The following DDX50 variants were observed in gnomAD, a reference collection of about 807,000 sequenced individuals.
DDX50 encodes ATP-dependent RNA helicase DDX50.
A neutral mutation model predicts 94.8 loss-of-function variants in DDX50; 56 were observed. That is an observed-to-expected ratio of 0.59 (90% confidence interval 0.48 to 0.74). The LOEUF (loss-of-function observed/expected upper bound fraction) is 0.74. DDX50 is among the 30% of genes least tolerant of loss of function. The pLI is 0.00. For synonymous variants in DDX50, 264 were observed against 295.4 expected, an observed-to-expected ratio of 0.89 and a Z score of 1.09; for missense variants, 713 against 881.2, an observed-to-expected ratio of 0.81 and a Z score of 2.42.
At position 68,913,175 on chromosome 10, in the gene DDX50, C is replaced by T; in HGVS notation, c.653C>T (p.Ala218Val). 1.2e-6 allele frequency: 2 copies of T among 1,606,382 alleles called. No homozygotes were observed. Among genetic ancestry groups the T allele is most frequent in the Non-Finnish European group, 1.7e-6 (2 of 1,178,252 alleles). Residue 218 changes from alanine to valine, a missense_variant, in exon 5 of 15, where the codon GCT (alanine) becomes GTT (valine). Ala to Val is a moderately conservative substitution (Grantham distance 64). Transcript: ENST00000373585. Reference protein sequence around the residue: ...KSRSPKVLVLAPTRELANQVA... With the variant: ...KSRSPKVLVLVPTRELANQVA... ...CCTCTTGCTCAGGTACTTGTTTTGGCTCCAACAAGGGAACTGGCAAACCAA... is the reference window on the plus strand; with the variant it reads ...CCTCTTGCTCAGGTACTTGTTTTGGTTCCAACAAGGGAACTGGCAAACCAA...
intron 8 of DDX50, among the ~76,000 whole-genome samples, chr10:68,929,327 C>G (rs1430483312): frequency 6.8e-6 from 1 of 147,722 alleles, no homozygotes; most frequent in African/African-American, 2.5e-5. Context: ...CTTTCTCTTT[C>G]TTTCTTTCCT....
At chr10:68,924,211 A>G (rs185027894) in intron 8 of DDX50, among the ~76,000 whole-genome samples, 58 of 151,894 alleles carry the variant, frequency 3.8e-4, no homozygotes, top group African/African-American at 1.4e-3. Flanking sequence ...ACCTCAAATG[A>G]TCCACCTGCC....
At chr10:68,944,936 T>C (rs1229382551) in intron 14 of DDX50, among the ~76,000 whole-genome samples, 3 of 152,086 alleles carry the variant, frequency 2.0e-5, no homozygotes, top group Non-Finnish European at 2.9e-5. Context: ...TCCCAAAGTA[T>C]TGGGTTCACA....
At chr10:68,910,547 C>T (rs1841596139) in intron 3 of DDX50, among the ~76,000 whole-genome samples, 165 bp downstream of exon 3, 2 of 152,122 alleles carry the variant, frequency 1.3e-5, no homozygotes, top group Non-Finnish European at 2.9e-5. Context: ...GGATTATAGG[C>T]GTGTGCCACC....
At chr10:68,919,492 C>T (rs1260989798) in intron 7 of DDX50, among the ~76,000 whole-genome samples, 7 of 152,178 alleles carry the variant, frequency 4.6e-5, no homozygotes, top group Non-Finnish European at 7.4e-5. Context: ...TTTGCCTATT[C>T]TAGAACTTCA....
At chr10:68,926,840 GA>G (rs1268679783) in intron 8 of DDX50, among the ~76,000 whole-genome samples, 1 of 151,202 alleles carries the variant, frequency 6.6e-6, no homozygotes, top group Non-Finnish European at 1.5e-5. Context: ...AAAAGTTGGA[GA>G]CCTGGAAACC....
At chr10:68,919,361 A>T (rs565882554) in intron 7 of DDX50, among the ~76,000 whole-genome samples, 1 of 152,152 alleles carries the variant, frequency 6.6e-6, no homozygotes, top group Non-Finnish European at 1.5e-5. Flanking sequence ...GTGTAACCCA[A>T]ACCTTTATCA....
rs150795863 is a variant in DDX50, at chr10:68,918,864, T to C, written c.1090-968T>C. Among the ~76,000 whole-genome samples the C allele has an allele frequency of 8.3e-4, 127 of 152,374 alleles. 1 individual carries two copies. The East Asian group carries it at 0.022, about 27-fold the overall frequency. On this transcript the variant is annotated intron_variant, in intron 7 of 14. Transcript: ENST00000373585. ...GGTCAGTGATGGACCATATATATGATGGCATATGCTCGATGGTGGTCCCAT... is the reference window on the plus strand; with the variant it reads ...GGTCAGTGATGGACCATATATATGACGGCATATGCTCGATGGTGGTCCCAT...
At chr10:68,943,857 G>A (rs184747937) in intron 14 of DDX50, among the ~76,000 whole-genome samples, 13 of 152,258 alleles carry the variant, frequency 8.5e-5, no homozygotes, top group African/African-American at 3.1e-4. Context: ...GAATATTGGT[G>A]TGAGCCACCA....
At chr10:68,912,238 G>GTC (rs1282436189) in intron 4 of DDX50, among the ~76,000 whole-genome samples, 1 of 151,998 alleles carries the variant, frequency 6.6e-6, no homozygotes, top group East Asian at 1.9e-4. Context: ...TAAAGACAGG[G>GTC]TCTCTCTCTG....
chr10:68,928,379 G>A (rs938521539), intron 8 of DDX50, among the ~76,000 whole-genome samples: 14 of 151,932 alleles, frequency 9.2e-5, no homozygotes, highest in African/African-American at 2.7e-4. Flanking sequence ...ACCATTTTAA[G>A]ATTTAGGTGG....
chr10:68,918,191 T>G (rs1841851634), intron 7 of DDX50, among the ~76,000 whole-genome samples: 1 of 152,098 alleles, frequency 6.6e-6, no homozygotes, highest in Non-Finnish European at 1.5e-5. Flanking sequence ...CCCAAAGTGG[T>G]GGGATTACAG....
At chr10:68,917,438 A>G (rs9663253) in intron 7 of DDX50, among the ~76,000 whole-genome samples, 142,807 of 152,224 alleles carry the variant, frequency 0.94, 67,042 homozygotes, top group East Asian at 0.99. Context: ...TAGCCTGGGC[A>G]ACAGTGTGAG....
chr10:68,930,114 C>CTTTTTTTTTTT (rs34023657), intron 8 of DDX50, among the ~76,000 whole-genome samples: 1 of 99,778 alleles, frequency 1.0e-5, no homozygotes, highest in African/African-American at 4.4e-5. Flanking sequence ...CTTTCCTTTC[C>CTTTTTTTTTTT]TTTTTTTTTT....
chr10:68,934,662 C>A lies in DDX50; in HGVS notation c.1402-137C>A. On this transcript the variant is annotated intron_variant, in intron 9 of 14. Transcript: ENST00000373585. This position sits in a 1 kb window ranked among gnomAD's most constrained non-coding sequence, Gnocchi z 4.0. ...CATATTGCCTTTACCCCAAAATCCA[C>A]ACATATAAATTGTTTGGAATGTTGA... 8.8e-7 allele frequency: 1 copy of A among 1,130,360 alleles called. No homozygotes were observed. Among genetic ancestry groups the A allele is most frequent in the South Asian group, 1.7e-5 (1 of 57,424 alleles). 70.0% of individuals were successfully genotyped at this position (1,130,360 alleles called of 1,614,324 possible). A position where few individuals can be genotyped will look rare whatever the true frequency, so the allele number is the denominator to read the frequency against.
rs113249861 is a variant in DDX50 at position 68,910,845 on chromosome 10, C to A, written c.461-223C>A. 2.5e-3 allele frequency among the ~76,000 whole-genome samples: 388 copies of A among 152,296 alleles called. 1 individual carries two copies. The highest frequency in any genetic ancestry group is 8.4e-3 in the African/African-American group (350 of 41,572). Reference sequence around the variant, plus strand: ...TAATTGCACTTACTTTTACATCATCCTTTTCAATATTCTGCCTTGTTTTTA... The same window carrying A: ...TAATTGCACTTACTTTTACATCATCATTTTCAATATTCTGCCTTGTTTTTA... On this transcript the variant is annotated intron_variant, in intron 3 of 14. Transcript: ENST00000373585.
intron 7 of DDX50, among the ~76,000 whole-genome samples, chr10:68,917,330 C>T (rs1457270049): frequency 6.6e-6 from 1 of 151,762 alleles, no homozygotes; most frequent in Non-Finnish European, 1.5e-5. Context: ...CATGGTGGCA[C>T]GTGCCTGTAG....
At chr10:68,942,853 TCAAA>T (rs1399287261) in intron 13 of DDX50, among the ~76,000 whole-genome samples, 1 of 152,066 alleles carries the variant, frequency 6.6e-6, no homozygotes, top group African/African-American at 2.4e-5. Flanking sequence ...ATTCCTGGAC[TCAAA>T]CAATCTGTCC....
At chr10:68,943,067 T>TA in intron 13 of DDX50, 146 bp from the exon 14 acceptor site, 1 of 691,384 alleles carries the variant, frequency 1.4e-6, no homozygotes, top group South Asian at 1.9e-5. Flanking sequence ...GCAGTAGTTG[T>TA]AAATTCTTAT....
Sources: allele counts gnomAD v4.1 joint callset (sites outside exome capture counted in the v4.1 genomes callset), GRCh38; gene constraint gnomAD v4.1.1; non-coding constraint Gnocchi (gnomAD v3.1); transcripts MANE v1.5; gene names NCBI Gene and HGNC (gene_info 2026-07-23, HGNC 2026-07-21).